LRP2: variants seen among roughly 807,000 people sequenced by gnomAD.
LRP2 encodes the protein low-density lipoprotein receptor-related protein 2.
LRP2 carries 172 observed loss-of-function variants against 531.0 expected under a neutral mutation model. The ratio of observed to expected loss-of-function variants is 0.32; its 90% CI spans 0.29 to 0.37. The LOEUF is 0.37. Ranked by LOEUF, LRP2 falls within the 10% of genes least tolerant of loss-of-function variation. LRP2 has a pLI of 1.00. For synonymous variants in LRP2, 1,992 were observed against 2,027.6 expected, an observed-to-expected ratio of 0.98 and a Z score of 0.47; for missense variants, 5,167 against 5,868.3, an observed-to-expected ratio of 0.88 and a Z score of 3.90.
At position 169,241,357 on chromosome 2, in the gene LRP2, G is replaced by T. The variant is rs2105383842; in HGVS notation, c.3676C>A (p.Pro1226Thr). ...NSDEAGCPTR[P>T]PGMCHSDEFQ... ...TCATCTGAGTGGCACATACCAGGAG[G>T]CCTGGTTGCTAGAAGGAAAACATGG... is the stretch of plus-strand genomic sequence containing the variant. Residue 1226 changes from proline to threonine, a missense_variant, in exon 25 of 79, where the codon CCT becomes ACT. By Grantham distance (38) the Pro-to-Thr change is conservative. Coordinates refer to ENST00000649046, the MANE Select transcript of LRP2 (RefSeq NM_004525.3). 1.2e-6 allele frequency: 2 copies of T among 1,614,090 alleles called. No homozygotes were observed. The highest frequency in any genetic ancestry group is 1.7e-6 in the Non-Finnish European group (2 of 1,180,000).
chr2:169,204,466 A>G (rs1688310506), intron 41 of LRP2, among the ~76,000 whole-genome samples, 195 bp from the exon 42 acceptor site: 2 of 152,204 alleles, frequency 1.3e-5, no homozygotes, highest in South Asian at 4.1e-4. Context: ...TAGCCTATAT[A>G]AAATCATTGA....
intron 44 of LRP2, among the ~76,000 whole-genome samples, chr2:169,199,492 G>A (rs1211726114): frequency 6.6e-6 from 1 of 152,130 alleles, no homozygotes; most frequent in Non-Finnish European, 1.5e-5. Flanking sequence ...AGAGCACAGA[G>A]GAAGCAGAAA....
chr2:169,130,561 C>G (rs1345511789), intron 77 of LRP2, among the ~76,000 whole-genome samples: 1 of 152,200 alleles, frequency 6.6e-6, no homozygotes, highest in Non-Finnish European at 1.5e-5. Flanking sequence ...GCTGGGATTA[C>G]AGGTGTGAGC....
At chr2:169,221,834 C>G (rs1689022273) in intron 33 of LRP2, among the ~76,000 whole-genome samples, 1 of 152,140 alleles carries the variant, frequency 6.6e-6, no homozygotes, top group African/African-American at 2.4e-5. Flanking sequence ...GCTACAATCT[C>G]TCTCCTTTTC....
intron 65 of LRP2, 38 bp downstream of exon 65, chr2:169,156,236 C>A: frequency 1.2e-6 from 2 of 1,612,802 alleles, no homozygotes; most frequent in Non-Finnish European, 1.7e-6. Flanking sequence ...TATTTATTTC[C>A]CCAAAAGTCA....
rs1256648200 is a variant in LRP2 at position 169,170,438 on chromosome 2, T to A, written c.11380+113A>T. The A allele has an allele frequency of 4.0e-5, 33 of 816,510 alleles. No homozygotes were observed. In the East Asian group the frequency reaches 7.7e-4, roughly 19 times the overall value. 50.6% of individuals were successfully genotyped at this position (816,510 alleles called of 1,614,324 possible). On this transcript the variant is annotated intron_variant, in intron 59 of 78. Coordinates refer to ENST00000649046, the MANE Select transcript of LRP2 (RefSeq NM_004525.3). ...ATACTGTGTTATGCTAAGGTTTACATATTACACATATACAAAAATAATTTT... is the reference window on the plus strand; with the variant it reads ...ATACTGTGTTATGCTAAGGTTTACAAATTACACATATACAAAAATAATTTT...
intron 16 of LRP2, among the ~76,000 whole-genome samples, chr2:169,263,923 A>G (rs1690680198): frequency 1.3e-5 from 2 of 152,308 alleles, no homozygotes; most frequent in South Asian, 4.1e-4. Context: ...GCCATAAAAA[A>G]TGATGAGTTC....
chr2:169,137,399 G>C lies in LRP2; in HGVS notation c.13613C>G (p.Pro4538Arg), dbSNP rs755105387. The C allele has an allele frequency of 1.7e-5, 27 of 1,610,550 alleles. No individual in the cohort carries two copies. The highest frequency in any genetic ancestry group is 2.2e-5 in the South Asian group (2 of 91,000). ...ARDSAVKVVQPIQVTVSENVD... is the reference protein window; with the variant it reads ...ARDSAVKVVQRIQVTVSENVD... Reference sequence around the variant, plus strand: ...GACTGTATGGTTTCTCACCTGGATTGGCTGAACCACTTTGACAGCACTGTC... The same window carrying C: ...GACTGTATGGTTTCTCACCTGGATTCGCTGAACCACTTTGACAGCACTGTC... The change falls in exon 76 of 79, where the codon CCA becomes CGA. Residue 4538 changes from proline to arginine, a missense_variant. Physicochemically the swap from Pro to Arg is moderately radical, Grantham distance 103. Transcript: ENST00000649046.
intron 26 of LRP2, 101 bp downstream of exon 26, chr2:169,239,426 G>A (rs1034132082): frequency 2.8e-5 from 44 of 1,597,056 alleles, no homozygotes; most frequent in East Asian, 4.5e-5. Context: ...GATTCAAGTC[G>A]ATCTAACTCC....
chr2:169,277,945 T>C lies in LRP2; in HGVS notation c.1572A>G (p.Leu524=), dbSNP rs778802213. ...GIAVDPTVGY[L]FFSDWESLSG... is the part of the protein sequence containing the mutation. ...AAAGGCTCTCCCAATCTGAGAAAAA[T>C]AAATAACTACAAAAGAAAAACAGAA... The change falls in exon 13 of 79, where the codon TTA becomes TTG. Residue 524 remains leucine (L), a synonymous_variant. Transcript: ENST00000649046. The C allele has an allele frequency of 1.2e-6, 2 of 1,612,808 alleles. No individual in the cohort carries two copies. Among genetic ancestry groups the C allele is most frequent in the East Asian group, 4.5e-5 (2 of 44,846 alleles).
rs754844907 is a variant in LRP2, at chr2:169,199,436, A to C, written c.8453-525T>G. On this transcript the variant is annotated intron_variant, in intron 44 of 78. Coordinates refer to ENST00000649046, the MANE Select transcript of LRP2 (RefSeq NM_004525.3). ...TATATTAAAAACAATAACAACAAAG[A>C]AAAGATAAACTAACAAAAATTGTCA... Among the ~76,000 whole-genome samples the C allele has an allele frequency of 5.3e-5, 8 of 152,174 alleles. No homozygotes were observed. The South Asian group carries it at 1.2e-3, about 24-fold the overall frequency.
intron 10 of LRP2, 136 bp downstream of exon 10, chr2:169,282,737 A>G (rs1683740402): frequency 1.1e-6 from 1 of 947,842 alleles, no homozygotes; most frequent in Admixed American, 1.8e-5. Flanking sequence ...AGGCAGTAGG[A>G]GCCATCCCTG....
chr2:169,330,158 G>C (rs886589961), intron 1 of LRP2, among the ~76,000 whole-genome samples: 5 of 152,194 alleles, frequency 3.3e-5, no homozygotes, highest in African/African-American at 1.2e-4. Flanking sequence ...AAAAAGCTTG[G>C]GGACCGCTGC....
chr2:169,307,476 T>G (rs1684456575), intron 3 of LRP2, 79 bp from the exon 4 acceptor site: 2 of 897,224 alleles, frequency 2.2e-6, no homozygotes, highest in Admixed American at 3.6e-5. Flanking sequence ...ACAAGGATAT[T>G]GGAAAGCATA....
chr2:169,307,565 AT>A lies in LRP2; in HGVS notation c.311-169del, dbSNP rs150491329. ...AAAGCAAAAACAGAAGTATAATGTT[AT>A]CAAAATGCCCAGAGAATAGTGTCCA... On this transcript the variant is annotated intron_variant, in intron 3 of 78. Transcript: ENST00000649046. Among the ~76,000 whole-genome samples, 1,736 of 152,354 alleles carry A rather than the reference AT, an allele frequency of 0.011. 32 individuals are homozygous for A. The highest frequency in any genetic ancestry group is 0.04 in the African/African-American group (1,652 of 41,574).
rs1686101843 is a variant in LRP2 at position 169,360,031 on chromosome 2, G to A, written c.79+2290C>T. Among the ~76,000 whole-genome samples, 9 of 151,216 alleles carry A rather than the reference G, an allele frequency of 6.0e-5. No homozygotes were observed. In the South Asian group the frequency reaches 1.7e-3, roughly 28 times the overall value. ...TCCCAGCTACTTGGGAGGCTGAGGT[G>A]TGAGGATCGCTTGAACCTGGGAGGC... On this transcript the variant is annotated intron_variant, in intron 1 of 78. Transcript: ENST00000649046.
intron 10 of LRP2, among the ~76,000 whole-genome samples, chr2:169,282,265 C>A (rs914014733): frequency 2.0e-5 from 3 of 152,104 alleles, no homozygotes; most frequent in African/African-American, 7.2e-5. Flanking sequence ...TATATTGAGA[C>A]CTTCGTCCGG....
At position 169,188,271 on chromosome 2, in the gene LRP2, T is replaced by A; in HGVS notation, c.9033-6A>T. ...AGTCATTGTGCCGGTCACACCTGTA[T>A]CATGAGATCCAGTACCACTTTCAGA... is the stretch of plus-strand genomic sequence containing the variant. On this transcript the variant is annotated splice_polypyrimidine_tract_variant and splice_region_variant and intron_variant, in intron 48 of 78. Transcript: ENST00000649046. 2 of 1,613,986 alleles carry A rather than the reference T, an allele frequency of 1.2e-6. No homozygotes were observed. Among genetic ancestry groups the A allele is most frequent in the Non-Finnish European group, 1.7e-6 (2 of 1,180,000 alleles).
At chr2:169,170,810 C>T in intron 58 of LRP2, 143 bp from the exon 59 acceptor site, 1 of 715,644 alleles carries the variant, frequency 1.4e-6, no homozygotes, top group South Asian at 1.5e-5. Flanking sequence ...AATCATTCAC[C>T]CTCCAAAACT....
Sources: gnomAD v4.1 joint callset for allele counts (sites outside exome capture counted in the v4.1 genomes callset) on GRCh38, gnomAD v4.1.1 for gene constraint, MANE v1.5 for transcripts, NCBI Gene and HGNC (gene_info 2026-07-23, HGNC 2026-07-21) for gene names.